The following PLXDC2 variants were observed in gnomAD, a reference collection of about 807,000 sequenced individuals.
PLXDC2 encodes plexin domain containing 2.
PLXDC2 carries 40 observed loss-of-function variants against 68.9 expected under a neutral mutation model. The ratio of observed to expected loss-of-function variants is 0.58; its 90% CI spans 0.45 to 0.76. PLXDC2 has a LOEUF of 0.76. PLXDC2 is among the 30% of genes least tolerant of loss of function. The pLI, the probability that PLXDC2 is intolerant of heterozygous loss-of-function variation, is 0.00. For synonymous variants in PLXDC2, 243 were observed against 234.2 expected, an observed-to-expected ratio of 1.04 and a Z score of -0.34; for missense variants, 644 against 661.9, an observed-to-expected ratio of 0.97 and a Z score of 0.30.
At chr10:20,099,446 C>T (rs1243147728) in intron 4 of PLXDC2, among the ~76,000 whole-genome samples, 1 of 152,142 alleles carries the variant, frequency 6.6e-6, no homozygotes, top group Non-Finnish European at 1.5e-5. Context: ...AATCTTCCAC[C>T]TACCATTTAT....
At chr10:20,045,370 C>T (rs1040800940) in intron 2 of PLXDC2, among the ~76,000 whole-genome samples, 4 of 152,216 alleles carry the variant, frequency 2.6e-5, no homozygotes, top group African/African-American at 9.6e-5. Flanking sequence ...TGTGTTTTGC[C>T]ATGTTAGCCA....
At chr10:20,155,349 C>T (rs1834203745) in intron 6 of PLXDC2, among the ~76,000 whole-genome samples, 1 of 152,150 alleles carries the variant, frequency 6.6e-6, no homozygotes, top group Non-Finnish European at 1.5e-5. Flanking sequence ...AGTGAGACCA[C>T]CACCATTTAG....
In PLXDC2 at chr10:20,211,706, G is replaced by A. The variant is rs1373498794; in HGVS notation, c.1099G>A (p.Val367Met). Residue 367 changes from valine (V) to methionine (M), a missense_variant, in exon 10 of 14, where the codon GTG becomes ATG. Physicochemically the swap from Val to Met is conservative, Grantham distance 21. Transcript: ENST00000377252. ...ATTTGATCGTCATCGGCAGGACTGG[G>A]TGGACAGTGGATGCCCTGAAGAGGT... ...SGFDRHRQDW[V>M]DSGCPEESKE... The A allele has an allele frequency of 2.5e-6, 4 of 1,613,082 alleles. No homozygotes were observed. The highest frequency in any genetic ancestry group is 2.2e-5 in the South Asian group (2 of 91,038).
At chr10:20,111,634 T>C (rs944934128) in intron 4 of PLXDC2, among the ~76,000 whole-genome samples, 6 of 152,196 alleles carry the variant, frequency 3.9e-5, no homozygotes, top group Admixed American at 1.3e-4. Context: ...AGGAAAGACA[T>C]GTTTACTTCA....
At chr10:20,100,559 A>C (rs1181875723) in intron 4 of PLXDC2, among the ~76,000 whole-genome samples, 1 of 152,186 alleles carries the variant, frequency 6.6e-6, no homozygotes, top group Non-Finnish European at 1.5e-5. Context: ...AGTTGACTAT[A>C]ATACGGTTGC....
chr10:19,867,979 T>A (rs1837453855), intron 1 of PLXDC2, among the ~76,000 whole-genome samples: 1 of 152,202 alleles, frequency 6.6e-6, no homozygotes, highest in Non-Finnish European at 1.5e-5. Context: ...TTCAACTAGG[T>A]TTAAACAAGT....
At chr10:19,934,322 T>A (rs1416292177) in intron 1 of PLXDC2, among the ~76,000 whole-genome samples, 1 of 152,256 alleles carries the variant, frequency 6.6e-6, no homozygotes, top group Admixed American at 6.5e-5. Flanking sequence ...AAAATTACTT[T>A]GAGGATTTCT....
At chr10:20,132,854 A>C (rs1790114084) in intron 4 of PLXDC2, among the ~76,000 whole-genome samples, 1 of 151,668 alleles carries the variant, frequency 6.6e-6, no homozygotes, top group Non-Finnish European at 1.5e-5. Context: ...TTTACAGGTA[A>C]AGATTTACTA....
In PLXDC2 at chr10:20,288,183, G is replaced by T. The variant is rs1836184515; in HGVS notation, c.*8364G>T. On this transcript the variant is annotated 3_prime_UTR_variant, in exon 14 of 14. Coordinates refer to ENST00000377252, the MANE Select transcript of PLXDC2 (RefSeq NM_032812.9). ...CCCCAAGCAAAAAGAATGACTATGT[G>T]TGTGAGTGCAGCACATGGCCAGTTC... 6.6e-6 allele frequency: 1 copy of T among 152,322 alleles called. No homozygotes were observed. Among genetic ancestry groups the T allele is most frequent in the Admixed American group, 6.5e-5 (1 of 15,302 alleles). The allele number at this position is 152,322 out of a possible 1,614,324, so 9.4% of individuals were successfully genotyped here.
chr10:19,877,283 G>A lies in PLXDC2; in HGVS notation c.112+60092G>A, dbSNP rs532252978. 1.2e-4 allele frequency among the ~76,000 whole-genome samples: 19 copies of A among 152,204 alleles called. No homozygotes were observed. In the South Asian group the frequency reaches 3.7e-3, roughly 30 times the overall value. Reference sequence around the variant, plus strand: ...AGAGAGAGAATTAGATGATATAACTGTAGCAAACTGGGACTTGACAAAGTT... The same window carrying A: ...AGAGAGAGAATTAGATGATATAACTATAGCAAACTGGGACTTGACAAAGTT... On this transcript the variant is annotated intron_variant, in intron 1 of 13. Coordinates refer to ENST00000377252, the MANE Select transcript of PLXDC2 (RefSeq NM_032812.9).
At position 20,230,204 on chromosome 10, in the gene PLXDC2, T is replaced by C. The variant is rs556893018; in HGVS notation, c.1312+11102T>C. The stretch of plus-strand genomic sequence containing the variant: ...CCAACTCTATGCTGTGTATAAGAAA[T>C]GTATGTGAAAAATAAAGACAAAGAT... On this transcript the variant is annotated intron_variant, in intron 12 of 13. Coordinates refer to ENST00000377252, the MANE Select transcript of PLXDC2 (RefSeq NM_032812.9). 5.3e-5 allele frequency among the ~76,000 whole-genome samples: 8 copies of C among 152,252 alleles called. No homozygotes were observed. The East Asian group carries it at 9.6e-4, about 18-fold the overall frequency.
chr10:20,063,195 A>G (rs545429475), intron 3 of PLXDC2, among the ~76,000 whole-genome samples: 2 of 152,300 alleles, frequency 1.3e-5, no homozygotes, highest in Non-Finnish European at 2.9e-5. Context: ...TGCTCATTGT[A>G]TTCTTTTGAT....
intron 1 of PLXDC2, among the ~76,000 whole-genome samples, chr10:19,966,001 A>G (rs1373120900): frequency 1.3e-5 from 2 of 152,090 alleles, no homozygotes; most frequent in African/African-American, 2.4e-5. Flanking sequence ...ATTTTCCTGA[A>G]TTAGGGAAGA....
chr10:20,188,679 T>C (rs1456046091), intron 9 of PLXDC2, among the ~76,000 whole-genome samples: 1 of 151,674 alleles, frequency 6.6e-6, no homozygotes, highest in Non-Finnish European at 1.5e-5. Flanking sequence ...ATAGAAAAAA[T>C]CTGTAGATAT....
At chr10:19,909,161 T>C (rs1342396780) in intron 1 of PLXDC2, among the ~76,000 whole-genome samples, 1 of 152,114 alleles carries the variant, frequency 6.6e-6, no homozygotes, top group Non-Finnish European at 1.5e-5. Context: ...TGTGGACTTG[T>C]AAAGAAGGTG....
chr10:20,247,497 C>T (rs1293411316), intron 13 of PLXDC2, among the ~76,000 whole-genome samples: 1 of 151,800 alleles, frequency 6.6e-6, no homozygotes, highest in Non-Finnish European at 1.5e-5. Flanking sequence ...AAATTTCCTC[C>T]CTTCCCATAT....
chr10:20,231,598 A>G (rs1835364874), intron 12 of PLXDC2, among the ~76,000 whole-genome samples: 1 of 147,652 alleles, frequency 6.8e-6, no homozygotes, highest in Non-Finnish European at 1.5e-5. Flanking sequence ...GAGTAGAAAA[A>G]TAAAATAGAA....
chr10:19,879,445 C>T (rs146717021), intron 1 of PLXDC2, among the ~76,000 whole-genome samples: 25 of 152,096 alleles, frequency 1.6e-4, no homozygotes, highest in East Asian at 9.7e-4. Flanking sequence ...CTATGTGTGA[C>T]GGTGCAAATC....
intron 1 of PLXDC2, among the ~76,000 whole-genome samples, chr10:19,871,989 A>G (rs1278834083): frequency 2.0e-5 from 3 of 151,700 alleles, no homozygotes; most frequent in Admixed American, 6.6e-5. Flanking sequence ...ATTTACTTTT[A>G]TCTTTCCAGA....
Sources: gnomAD v4.1 joint callset for allele counts (sites outside exome capture counted in the v4.1 genomes callset) on GRCh38, gnomAD v4.1.1 for gene constraint, MANE v1.5 for transcripts, NCBI Gene and HGNC (gene_info 2026-07-23, HGNC 2026-07-21) for gene names.